USP44: variants seen among roughly 807,000 people sequenced by gnomAD.
USP44 encodes the protein ubiquitin carboxyl-terminal hydrolase 44.
In USP44, 61 loss-of-function variants were observed where a neutral mutation model predicts 69.0. The ratio of observed to expected loss-of-function variants is 0.88; its 90% CI spans 0.72 to 1.09. The LOEUF (loss-of-function observed/expected upper bound fraction) is 1.09. Ranked by LOEUF, USP44 falls within the 50% of genes least tolerant of loss-of-function variation. The pLI, the probability that USP44 is intolerant of heterozygous loss-of-function variation, is 0.00. For missense variants in USP44, 753 were observed against 849.9 expected, an observed-to-expected ratio of 0.89 and a Z score of 1.42; for synonymous variants, 297 against 295.4, an observed-to-expected ratio of 1.01 and a Z score of -0.06.
chr12:95,549,509 G>A (rs960585404), intron 1 of USP44, among the ~76,000 whole-genome samples: 4 of 152,116 alleles, frequency 2.6e-5, no homozygotes, highest in African/African-American at 9.7e-5. Flanking sequence ...AATATTTATT[G>A]GATTCTTTGT....
At position 95,533,414 on chromosome 12, in the gene USP44, A is replaced by G; in HGVS notation, c.843T>C (p.Thr281=). The change falls in exon 2 of 6, where the codon ACT becomes ACC. Residue 281 remains threonine (T), a synonymous_variant. Transcript: ENST00000258499. ...GVTGLRNLGN[T]CYMNSVLQVL... ...CCTGAAGAACAGAATTCATATAGCA[A>G]GTATTTCCCAAATTTCTCAATCCTG... 6.2e-7 allele frequency: 1 copy of G among 1,613,862 alleles called. No individual in the cohort carries two copies. Among genetic ancestry groups the G allele is most frequent in the South Asian group, 1.1e-5 (1 of 91,050 alleles).
At chr12:95,532,793 C>G in intron 2 of USP44, 36 bp downstream of exon 2, 1 of 1,518,166 alleles carries the variant, frequency 6.6e-7, no homozygotes, top group South Asian at 1.3e-5. Context: ...TTTATGAACT[C>G]CCAATGATGA....
intron 1 of USP44, among the ~76,000 whole-genome samples, chr12:95,539,988 T>A (rs2077336256): frequency 6.6e-6 from 1 of 152,242 alleles, no homozygotes. Context: ...TTAATTTCTA[T>A]TAACTCAAAT....
In USP44 at chr12:95,518,013, T is replaced by TA. The variant is rs367951165; in HGVS notation, c.*140dup. 30,633 of 707,826 alleles carry TA rather than the reference T, an allele frequency of 0.043. 88 individuals are homozygous for TA. The highest frequency in any genetic ancestry group is 0.045 in the South Asian group (1,653 of 36,758). 43.8% of individuals were successfully genotyped at this position (707,826 alleles called of 1,614,324 possible). A position where few individuals can be genotyped will look rare whatever the true frequency, so the allele number is the denominator to read the frequency against. The stretch of plus-strand genomic sequence containing the variant: ...AGTTGATATATACATTTATACTTTG[T>TA]AAAAAAAAAAATTGTTAGATATAAA... On this transcript the variant is annotated 3_prime_UTR_variant, in exon 6 of 6. Transcript: ENST00000258499.
At chr12:95,537,741 G>C (rs1467486728) in intron 1 of USP44, among the ~76,000 whole-genome samples, 1 of 152,156 alleles carries the variant, frequency 6.6e-6, no homozygotes, top group African/African-American at 2.4e-5. Flanking sequence ...GGATCAGTAG[G>C]AAAAAGCCTG....
chr12:95,525,894 C>T (rs1303961500), intron 3 of USP44, among the ~76,000 whole-genome samples: 1 of 152,186 alleles, frequency 6.6e-6, no homozygotes, highest in Non-Finnish European at 1.5e-5. Context: ...CAGGCTCAGT[C>T]CACCATGAAG....
chr12:95,527,320 C>A (rs1405510740), intron 3 of USP44, among the ~76,000 whole-genome samples: 2 of 151,982 alleles, frequency 1.3e-5, no homozygotes, highest in South Asian at 4.2e-4. Flanking sequence ...GTCTCGAACT[C>A]CTGACCTCAG....
rs773237521 is a variant in USP44, at chr12:95,517,558, T to A, written c.*596A>T. 2 of 152,220 alleles carry A rather than the reference T, an allele frequency of 1.3e-5. No homozygotes were observed. The highest frequency in any genetic ancestry group is 2.4e-5 in the African/African-American group (1 of 41,460). The allele number at this position is 152,220 out of a possible 1,614,324, so 9.4% of individuals were successfully genotyped here. A position where few individuals can be genotyped will look rare whatever the true frequency, so the allele number is the denominator to read the frequency against. On this transcript the variant is annotated 3_prime_UTR_variant, in exon 6 of 6. Coordinates refer to ENST00000258499, the MANE Select transcript of USP44 (RefSeq NM_032147.5). Reference sequence around the variant, plus strand: ...TTTGTAAAGCTGCCATTTTCATTTATAGTTTGACTATGCCAAAGAGCAATT... The same window carrying A: ...TTTGTAAAGCTGCCATTTTCATTTAAAGTTTGACTATGCCAAAGAGCAATT...
rs1386195378 is a variant in USP44 at position 95,531,626 on chromosome 12, G to T, written c.1428+1203C>A. On this transcript the variant is annotated intron_variant, in intron 2 of 5. Transcript: ENST00000258499. ...ATTTGCTAATTGACACAAAATCTTT[G>T]CATTTCTGAAACACTGAAAAATAAA... Among the ~76,000 whole-genome samples the T allele has an allele frequency of 3.9e-5, 6 of 152,130 alleles. 1 individual carries two copies. The highest frequency in any genetic ancestry group is 1.3e-4 in the Admixed American group (2 of 15,264).
chr12:95,519,432 A>ACTTTT (rs199606254), intron 5 of USP44, among the ~76,000 whole-genome samples: 87 of 84,516 alleles, frequency 1.0e-3, no homozygotes, highest in East Asian at 2.1e-3. Flanking sequence ...CTCAATCTGT[A>ACTTTT]TTTTTTTTTT....
intron 4 of USP44, among the ~76,000 whole-genome samples, chr12:95,523,335 G>A (rs540645614): frequency 1.3e-5 from 2 of 152,182 alleles, no homozygotes; most frequent in Admixed American, 6.5e-5. Flanking sequence ...CTGAAGTGGG[G>A]GTCAGTCTTG....
intron 3 of USP44, among the ~76,000 whole-genome samples, 180 bp from the exon 4 acceptor site, chr12:95,524,968 A>G (rs2076789732): frequency 6.6e-6 from 1 of 152,278 alleles, no homozygotes; most frequent in South Asian, 2.1e-4. Context: ...ACAATTAACC[A>G]AAAAACTTAG....
chr12:95,544,303 C>T (rs577972837), intron 1 of USP44, among the ~76,000 whole-genome samples: 1 of 152,118 alleles, frequency 6.6e-6, no homozygotes, highest in East Asian at 2.0e-4. Flanking sequence ...GATCCACCCG[C>T]CTCGACCTCC....
At chr12:95,530,684 T>C (rs2076990801) in intron 2 of USP44, among the ~76,000 whole-genome samples, 1 of 145,156 alleles carries the variant, frequency 6.9e-6, no homozygotes, top group Non-Finnish European at 1.6e-5. Context: ...GATAGATAGA[T>C]AGATAGATAT....
intron 1 of USP44, among the ~76,000 whole-genome samples, chr12:95,541,782 A>T (rs566130114): frequency 6.6e-6 from 1 of 152,192 alleles, no homozygotes; most frequent in South Asian, 2.1e-4. Flanking sequence ...GCCAGCCAAA[A>T]GTCAGCCCCA....
intron 4 of USP44, among the ~76,000 whole-genome samples, chr12:95,523,219 C>T (rs1427181418): frequency 6.6e-6 from 1 of 152,162 alleles, no homozygotes; most frequent in Non-Finnish European, 1.5e-5. Context: ...TGTGGGGGCC[C>T]TCTGGAAAAT....
chr12:95,532,212 G>C (rs2077044960), intron 2 of USP44, among the ~76,000 whole-genome samples: 1 of 137,998 alleles, frequency 7.2e-6, no homozygotes, highest in Non-Finnish European at 1.5e-5. Flanking sequence ...CTGTCACCCA[G>C]GCTGGAGTGC....
chr12:95,536,039 CTTT>C (rs397821709), intron 1 of USP44, among the ~76,000 whole-genome samples: 8 of 97,510 alleles, frequency 8.2e-5, no homozygotes, highest in South Asian at 3.3e-4. Flanking sequence ...CTTTTTTTTC[CTTT>C]TTTTTTTTTT....
chr12:95,547,801 T>G (rs1197530155), intron 1 of USP44, among the ~76,000 whole-genome samples: 2 of 151,816 alleles, frequency 1.3e-5, no homozygotes, highest in Non-Finnish European at 2.9e-5. Context: ...GTGGCGGGAG[T>G]GGGGGACTTG....
Sources: gnomAD v4.1 joint callset for allele counts (sites outside exome capture counted in the v4.1 genomes callset) on GRCh38, gnomAD v4.1.1 for gene constraint, MANE v1.5 for transcripts, NCBI Gene and HGNC (gene_info 2026-07-23, HGNC 2026-07-21) for gene names.